The following PRR14L variants were observed in gnomAD, a reference collection of about 807,000 sequenced individuals.
PRR14L encodes protein PRR14L.
Under a neutral mutation model 155.0 loss-of-function variants are expected in PRR14L, and 80 were observed. The ratio of observed to expected loss-of-function variants is 0.52; its 90% CI spans 0.43 to 0.62. The LOEUF (loss-of-function observed/expected upper bound fraction) is 0.62. PRR14L is among the 20% of genes least tolerant of loss of function. The pLI is 0.00. For synonymous variants in PRR14L, 883 were observed against 916.0 expected (o/e 0.96, Z 0.65); for missense variants, 2,469 against 2,548.0 (o/e 0.97, Z 0.67).
intron 2 of PRR14L, among the ~76,000 whole-genome samples, chr22:31,737,099 G>A (rs2074785981): frequency 6.7e-6 from 1 of 150,258 alleles, no homozygotes; most frequent in Non-Finnish European, 1.5e-5. Context: ...TTTACTACGT[G>A]GCCCCTGATA....
intron 7 of PRR14L, among the ~76,000 whole-genome samples, chr22:31,692,794 C>A (rs963496326): frequency 2.0e-5 from 3 of 152,084 alleles, no homozygotes; most frequent in Admixed American, 2.0e-4. Context: ...GAGTGTGCCA[C>A]CATGCCTGGT....
At chr22:31,717,401 CAAAAAG>C in intron 3 of PRR14L, 110 bp from the exon 4 acceptor site, 2 of 860,548 alleles carry the variant, frequency 2.3e-6, no homozygotes, top group Non-Finnish European at 3.4e-6. Context: ...AGACCCAACT[CAAAAAG>C]AAAACTGGAA....
Position 31,738,926 on chromosome 22 carries a change from A to C in PRR14L, c.-51-15T>G. The C allele has an allele frequency of 8.7e-7, 1 of 1,143,302 alleles. No homozygotes were observed. The highest frequency in any genetic ancestry group is 1.2e-6 in the Non-Finnish European group (1 of 818,302). 70.8% of individuals were successfully genotyped at this position (1,143,302 alleles called of 1,614,324 possible). On this transcript the variant is annotated splice_polypyrimidine_tract_variant and intron_variant, in intron 1 of 8. Transcript: ENST00000327423. ...AATGATTCACCCTGACACAAATCAC[A>C]GGAAGGGATAAAAGTTTAAAACCTT...
chr22:31,706,428 C>CTT (rs771902267), intron 4 of PRR14L, among the ~76,000 whole-genome samples: 3 of 142,216 alleles, frequency 2.1e-5, no homozygotes, highest in African/African-American at 5.5e-5. Flanking sequence ...TAAACTCTTC[C>CTT]TTTTTCTTTT....
intron 7 of PRR14L, among the ~76,000 whole-genome samples, chr22:31,694,527 C>T (rs560555533): frequency 7.2e-4 from 109 of 152,146 alleles, no homozygotes; most frequent in African/African-American, 2.6e-3. Flanking sequence ...GTGGGCGGAT[C>T]ATGAGGTCAG....
chr22:31,739,289 T>C (rs1053999375), intron 1 of PRR14L, among the ~76,000 whole-genome samples: 3 of 152,216 alleles, frequency 2.0e-5, no homozygotes, highest in Non-Finnish European at 2.9e-5. Flanking sequence ...CTTACCTTTT[T>C]TGTTCACTGC....
chr22:31,737,670 T>A (rs141817464), intron 2 of PRR14L, among the ~76,000 whole-genome samples: 180 of 151,474 alleles, frequency 1.2e-3, no homozygotes, highest in African/African-American at 4.3e-3. Context: ...CATCACACTA[T>A]CATAGCTCAC....
At chr22:31,697,489 G>A (rs1449602325) in intron 7 of PRR14L, among the ~76,000 whole-genome samples, 1 of 151,968 alleles carries the variant, frequency 6.6e-6, no homozygotes, top group Non-Finnish European at 1.5e-5. Context: ...TAGCTTGTTC[G>A]TGTATTTAAT....
At chr22:31,701,852 G>T in intron 6 of PRR14L, 90 bp from the exon 7 acceptor site, 1 of 997,216 alleles carries the variant, frequency 1.0e-6, no homozygotes, top group Non-Finnish European at 1.5e-6. Flanking sequence ...CTGTGGCCCA[G>T]GCTGGTGTGA....
rs1569499087 is a variant in PRR14L, at chr22:31,717,154, CG to C, written c.684del (p.Cys228TrpfsTer7). The C allele has an allele frequency of 6.4e-7, 1 of 1,552,250 alleles. No homozygotes were observed. Among genetic ancestry groups the C allele is most frequent in the Non-Finnish European group, 8.7e-7 (1 of 1,147,124 alleles). On this transcript the variant is annotated frameshift_variant, in exon 4 of 9. Coordinates refer to ENST00000327423, the MANE Select transcript of PRR14L (RefSeq NM_173566.3). LOFTEE classifies it high-confidence loss of function. ...ATTTTGTCTACTTCTTGGAATTCAC[CG>C]CATCCAGCTGAGAGATCTTTACTCA... ...GNVSKDLSAG[C>X]GEFQEVDKIM...
At chr22:31,697,606 C>G (rs1056983615) in intron 7 of PRR14L, among the ~76,000 whole-genome samples, 5 of 152,202 alleles carry the variant, frequency 3.3e-5, no homozygotes, top group Non-Finnish European at 4.4e-5. Flanking sequence ...TGGCTGACAC[C>G]AGTAATTTGG....
intron 8 of PRR14L, 127 bp downstream of exon 8, chr22:31,688,029 A>T: frequency 2.8e-6 from 1 of 358,454 alleles, no homozygotes; most frequent in Non-Finnish European, 4.1e-6. Flanking sequence ...CTCTGTCTCA[A>T]AAAAAAAAAA....
chr22:31,691,974 T>C (rs1256556058), intron 7 of PRR14L, among the ~76,000 whole-genome samples: 2 of 151,972 alleles, frequency 1.3e-5, no homozygotes, highest in African/African-American at 4.8e-5. Context: ...TTAAGGCAAT[T>C]CTCCTGCCTC....
chr22:31,729,402 C>T (rs1287129504), intron 2 of PRR14L, among the ~76,000 whole-genome samples: 5 of 151,722 alleles, frequency 3.3e-5, no homozygotes, highest in African/African-American at 7.3e-5. Context: ...TATTTTTAGG[C>T]GAGATGGGGT....
Position 31,713,391 on chromosome 22 carries a change from C to A in PRR14L, c.4448G>T (p.Cys1483Phe), listed in dbSNP as rs751560910. The change falls in exon 4 of 9, where the codon TGC (cysteine) becomes TTC (phenylalanine). Residue 1483 changes from cysteine to phenylalanine, a missense_variant. Physicochemically the swap from Cys to Phe is radical, Grantham distance 205. Around this residue, in one of 2 missense-constraint regions of PRR14L, gnomAD observed 2,363 missense variants for 2,371.6 expected, o/e 1.00. Coordinates refer to ENST00000327423, the MANE Select transcript of PRR14L (RefSeq NM_173566.3). ...GGCACCAAGAAGGCAAGGACTTGTG[C>A]ATGACTCAGTGTCCTTCCTTAATGG... Reference protein sequence around the residue: ...HHPLRKDTESCTSPCLLGAPR... With the variant: ...HHPLRKDTESFTSPCLLGAPR... The A allele has an allele frequency of 3.9e-6, 6 of 1,552,004 alleles. No homozygotes were observed. The highest frequency in any genetic ancestry group is 3.3e-4 in the Middle Eastern group (2 of 5,996).
At chr22:31,717,350 C>T in intron 3 of PRR14L, 59 bp from the exon 4 acceptor site, 1 of 1,335,302 alleles carries the variant, frequency 7.5e-7, no homozygotes, top group African/African-American at 1.5e-5. Context: ...CTTGGTCTAC[C>T]TTCATGCATT....
At chr22:31,685,930 C>A in intron 8 of PRR14L, 127 bp from the exon 9 acceptor site, 1 of 835,780 alleles carries the variant, frequency 1.2e-6, no homozygotes, top group Non-Finnish European at 1.8e-6. Context: ...CTACTTGCGC[C>A]AACTCTTTTT....
rs1035787947 is a variant in PRR14L at position 31,714,571 on chromosome 22, C to G, written c.3268G>C (p.Glu1090Gln). ...CGAGACAAGGTACTCCTGGAGTCCT[C>G]TTGAAATGCCAGTTTCTCTTGCCTT... ...GARQEKLAFQ[E>Q]DSRSTLSRRE... is the part of the protein sequence containing the mutation. Residue 1090 changes from glutamate to glutamine, a missense_variant, in exon 4 of 9, where the codon GAG becomes CAG. This residue lies in a region of PRR14L where 2,363 missense variants were observed against 2,371.6 expected (regional missense o/e 1.00). Coordinates refer to ENST00000327423, the MANE Select transcript of PRR14L (RefSeq NM_173566.3). 3 of 1,551,846 alleles carry G rather than the reference C, an allele frequency of 1.9e-6. No homozygotes were observed. Among genetic ancestry groups the G allele is most frequent in the Non-Finnish European group, 2.6e-6 (3 of 1,147,056 alleles).
rs186121085 is a variant in PRR14L, at chr22:31,737,083, A to C, written c.474+1304T>G. On this transcript the variant is annotated intron_variant, in intron 2 of 8. Coordinates refer to ENST00000327423, the MANE Select transcript of PRR14L (RefSeq NM_173566.3). ...GGAGACCATATGACCTGCAAAGCCT[A>C]AAAGATTTACTACGTGGCCCCTGAT... Among the ~76,000 whole-genome samples, 14 of 151,690 alleles carry C rather than the reference A, an allele frequency of 9.2e-5. No homozygotes were observed. In the South Asian group the frequency reaches 2.9e-3, roughly 32 times the overall value.
Sources: gnomAD v4.1 joint callset for allele counts (sites outside exome capture counted in the v4.1 genomes callset) on GRCh38, gnomAD v4.1.1 for gene constraint, gnomAD v4.1.1 regional missense constraint, MANE v1.5 for transcripts, NCBI Gene and HGNC (gene_info 2026-07-23, HGNC 2026-07-21) for gene names.